The following SH3D21 variants were observed in gnomAD, a reference collection of about 807,000 sequenced individuals.
The protein encoded by SH3D21 is SH3 domain-containing protein 21.
In SH3D21, 83 loss-of-function variants were observed where a neutral mutation model predicts 82.1. The ratio of observed to expected loss-of-function variants is 1.01; its 90% confidence interval spans 0.85 to 1.21. The LOEUF is 1.21. Among genes scored for constraint, SH3D21 ranks in the 50% most tolerant of loss-of-function variants. SH3D21 has a pLI of 0.00. For missense variants in SH3D21, 980 were observed against 962.1 expected, an observed-to-expected ratio of 1.02 and a Z score of -0.25; for synonymous variants, 383 against 387.8, an observed-to-expected ratio of 0.99 and a Z score of 0.15.
At chr1:36,308,051 G>T in intron 7 of SH3D21, 58 bp from the exon 8 acceptor site, 2 of 1,547,482 alleles carry the variant, frequency 1.3e-6, no homozygotes, top group South Asian at 2.4e-5. Context: ...GGAGGTGGGG[G>T]CTGCTGATGG....
intron 9 of SH3D21, among the ~76,000 whole-genome samples, chr1:36,308,992 C>CA (rs1646186208): frequency 6.6e-6 from 1 of 151,924 alleles, no homozygotes; most frequent in Non-Finnish European, 1.5e-5. Context: ...AATGGGACCC[C>CA]AACCTAAACA....
In SH3D21 at chr1:36,307,133, C is replaced by T. The variant is rs1359901663; in HGVS notation, c.227-34C>T. ...CCCCAGCTCCTCTGACTGGGGCGTC[C>T]GACTGGAGCTCAGCCGCGCTTGTCC... On this transcript the variant is annotated intron_variant, in intron 3 of 15. Transcript: ENST00000453908. This position sits in a 1 kb window ranked among gnomAD's most constrained non-coding sequence, Gnocchi z 5.4. 2.6e-6 allele frequency: 4 copies of T among 1,550,330 alleles called. No individual in the cohort carries two copies. Among genetic ancestry groups the T allele is most frequent in the East Asian group, 2.4e-5 (1 of 40,892 alleles).
chr1:36,307,556 C>G lies in SH3D21; in HGVS notation c.385C>G (p.Leu129Val). 3 of 1,551,694 alleles carry G rather than the reference C, an allele frequency of 1.9e-6. No homozygotes were observed. Among genetic ancestry groups the G allele is most frequent in the Non-Finnish European group, 2.6e-6 (3 of 1,146,982 alleles). Residue 129 changes from leucine to valine, a missense_variant, in exon 5 of 16, where the codon CTG (leucine) becomes GTG (valine). Physicochemically the swap from Leu to Val is conservative, Grantham distance 32. Coordinates refer to ENST00000453908, the MANE Select transcript of SH3D21 (RefSeq NM_001162530.2). The surrounding 1 kb of genome is among the most constrained non-coding windows in gnomAD (Gnocchi z 5.4). ...GTGGCTGGGGAAGAAGAACGGGCAG[C>G]TGGGAGCCTTCCCATCCAACTTTGT... ...GWWLGKKNGQ[L>V]GAFPSNFVEL...
At position 36,308,497 on chromosome 1, in the gene SH3D21, T is replaced by A. The variant is rs183917623; in HGVS notation, c.726+22T>A. 11 of 1,547,892 alleles carry A rather than the reference T, an allele frequency of 7.1e-6. No homozygotes were observed. The Admixed American group carries it at 2.2e-4, about 30-fold the overall frequency. The stretch of plus-strand genomic sequence containing the variant: ...CCCAGTGAGTACAGAGCCAAGACAC[T>A]CAGGTGGCAGGGGCAGGCTATTTTG... On this transcript the variant is annotated intron_variant, in intron 9 of 15. Coordinates refer to ENST00000453908, the MANE Select transcript of SH3D21 (RefSeq NM_001162530.2).
At chr1:36,317,600 T>C (rs1646366211) in intron 10 of SH3D21, among the ~76,000 whole-genome samples, 1 of 152,214 alleles carries the variant, frequency 6.6e-6, no homozygotes, top group Non-Finnish European at 1.5e-5. Flanking sequence ...TTAACTCTTG[T>C]CGCCCAGGCT....
Position 36,307,646 on chromosome 1 carries a change from C to T in SH3D21, c.436+39C>T, listed in dbSNP as rs1272362951. 6.5e-7 allele frequency: 1 copy of T among 1,547,916 alleles called. No homozygotes were observed. Among genetic ancestry groups the T allele is most frequent in the African/African-American group, 1.4e-5 (1 of 73,060 alleles). The stretch of plus-strand genomic sequence containing the variant: ...TCTGTGACCCTGTGACTCGCAATCT[C>T]CAATGACCCTCCCAGTGGCATGAGC... On this transcript the variant is annotated intron_variant, in intron 5 of 15. Transcript: ENST00000453908. The surrounding 1 kb of genome is among the most constrained non-coding windows in gnomAD (Gnocchi z 5.4).
chr1:36,317,308 T>C (rs528204047), intron 10 of SH3D21, among the ~76,000 whole-genome samples: 9 of 152,224 alleles, frequency 5.9e-5, no homozygotes, highest in Non-Finnish European at 1.3e-4. Context: ...GGAGTGGAGC[T>C]GAAATTCAGA....
downstream of SH3D21, chr1:36,328,151 A>G (rs1646563018): frequency 6.6e-6 from 3 of 456,876 alleles, no homozygotes; most frequent in Non-Finnish European, 1.3e-5. Flanking sequence ...GAGTACTGCT[A>G]AGATGAAACA....
At chr1:36,322,736 C>G (rs1049403603), downstream of SH3D21, 2 of 1,545,536 alleles carry the variant, frequency 1.3e-6, no homozygotes, top group African/African-American at 2.7e-5. Context: ...CTGCGGGGCA[C>G]AGGGCGGGGG....
rs755921086 is a variant in SH3D21 at position 36,320,032 on chromosome 1, C to A, written c.1369C>A (p.Pro457Thr). 1.2e-6 allele frequency: 2 copies of A among 1,614,120 alleles called. No homozygotes were observed. The highest frequency in any genetic ancestry group is 8.5e-7 in the Non-Finnish European group (1 of 1,180,020). Reference protein sequence around the residue: ...PERVFSVEESPALEAPPMDKV... With the variant: ...PERVFSVEESTALEAPPMDKV... ...GAGGGTCTTTTCAGTGGAAGAGTCC[C>A]CTGCCCTAGAAGCCCCACCTATGGA... Residue 457 changes from proline to threonine, a missense_variant, in exon 14 of 16, where the codon CCT (proline) becomes ACT (threonine). Coordinates refer to ENST00000453908, the MANE Select transcript of SH3D21 (RefSeq NM_001162530.2).
chr1:36,329,525 G>A (rs1472323461), downstream of SH3D21, among the ~76,000 whole-genome samples: 1 of 152,178 alleles, frequency 6.6e-6, no homozygotes, highest in Non-Finnish European at 1.5e-5. Context: ...GGGCTGTCTG[G>A]AGTCCCTGGC....
downstream of SH3D21, chr1:36,321,902 C>G: frequency 1.9e-6 from 2 of 1,056,502 alleles, no homozygotes; most frequent in Non-Finnish European, 2.3e-6. This position sits in a 1 kb window ranked among gnomAD's most constrained non-coding sequence, Gnocchi z 6.1. Flanking sequence ...TGTGCTGTAT[C>G]GTCGGGTTGG....
chr1:36,307,235 G>A lies in SH3D21; in HGVS notation c.295G>A (p.Ala99Thr), dbSNP rs1211594924. 1.0e-5 allele frequency: 16 copies of A among 1,551,706 alleles called. No individual in the cohort carries two copies. In the Admixed American group the frequency reaches 3.1e-4, roughly 30 times the overall value. The change falls in exon 4 of 16, where the codon GCG becomes ACG. Residue 99 changes from alanine to threonine, a missense_variant. By Grantham distance (58) the Ala-to-Thr change is moderately conservative (BLOSUM62 0). Coordinates refer to ENST00000453908, the MANE Select transcript of SH3D21 (RefSeq NM_001162530.2). This position sits in a 1 kb window ranked among gnomAD's most constrained non-coding sequence, Gnocchi z 5.4. Reference protein sequence around the residue: ...KVNFSYSPEQADELKLQAGEI... With the variant: ...KVNFSYSPEQTDELKLQAGEI... Reference sequence around the variant, plus strand: ...GAACTTCAGCTACAGCCCAGAGCAGGCGGACGAGCTGAAGCTGCAAGCTGG... The same window carrying A: ...GAACTTCAGCTACAGCCCAGAGCAGACGGACGAGCTGAAGCTGCAAGCTGG...
At chr1:36,323,163 T>G, downstream of SH3D21, 2 of 1,078,138 alleles carry the variant, frequency 1.9e-6, no homozygotes, top group Non-Finnish European at 2.6e-6. Context: ...CGGGCCCAGG[T>G]TCCACCCTGG....
Position 36,319,907 on chromosome 1 carries a change from C to G in SH3D21, c.1244C>G (p.Thr415Ser), listed in dbSNP as rs533621212. 46 of 1,614,140 alleles carry G rather than the reference C, an allele frequency of 2.8e-5. No individual in the cohort carries two copies. In the Admixed American group the frequency reaches 3.2e-4, roughly 11 times the overall value. Reference sequence around the variant, plus strand: ...ATCCCAGCTCCTGACAAAGTCCCCACCCCAGAGAAGATGGTGACTCCGGAG... The same window carrying G: ...ATCCCAGCTCCTGACAAAGTCCCCAGCCCAGAGAAGATGGTGACTCCGGAG... ...GKIPAPDKVP[T>S]PEKMVTPEDK... Residue 415 changes from threonine (T) to serine (S), a missense_variant, in exon 14 of 16, where the codon ACC (threonine) becomes AGC (serine). By Grantham distance (58) the Thr-to-Ser change is moderately conservative. Coordinates refer to ENST00000453908, the MANE Select transcript of SH3D21 (RefSeq NM_001162530.2).
At chr1:36,322,211 G>A (rs554590219), downstream of SH3D21, 4 of 1,393,958 alleles carry the variant, frequency 2.9e-6, no homozygotes, top group African/African-American at 1.5e-5. Flanking sequence ...TGTGGGGGCC[G>A]AGGCAGTCCG....
rs566926333 is a variant in SH3D21, at chr1:36,320,480, C to A, written c.1817C>A (p.Pro606His). The change falls in exon 14 of 16, where the codon CCC becomes CAC. Residue 606 changes from proline (P) to histidine (H), a missense_variant. Transcript: ENST00000453908. ...DERTPEEEAP[P>H]NEQRPLREEV... ...AGGACCCCTGAAGAGGAGGCGCCCC[C>A]CAACGAGCAGAGGCCTCTGAGAGAG... 3.1e-6 allele frequency: 5 copies of A among 1,613,862 alleles called. No individual in the cohort carries two copies. The highest frequency in any genetic ancestry group is 2.7e-5 in the African/African-American group (2 of 74,994).
At chr1:36,323,050 G>T, downstream of SH3D21, 1 of 1,598,134 alleles carries the variant, frequency 6.3e-7, no homozygotes, top group Non-Finnish European at 8.5e-7. Flanking sequence ...TGCTCTGGGG[G>T]GCAGCTCCCC....
chr1:36,321,521 C>G (rs1177801933), downstream of SH3D21: 1 of 762,156 alleles, frequency 1.3e-6, no homozygotes, highest in Non-Finnish European at 1.7e-6. The surrounding 1 kb of genome is among the most constrained non-coding windows in gnomAD (Gnocchi z 6.1). Flanking sequence ...CGGGGAGGAG[C>G]CGGGCGGGCC....
Sources: gnomAD v4.1 joint callset for allele counts (sites outside exome capture counted in the v4.1 genomes callset) on GRCh38, gnomAD v4.1.1 for gene constraint, Gnocchi (gnomAD v3.1) non-coding constraint, MANE v1.5 for transcripts, NCBI Gene and HGNC (gene_info 2026-07-23, HGNC 2026-07-21) for gene names.